The following CBFA2T2 variants were observed in gnomAD, a reference collection of about 807,000 sequenced individuals.
CBFA2T2 encodes the protein CBFA2/RUNX1 partner transcriptional co-repressor 2, also known as protein CBFA2T2.
CBFA2T2 carries 11 observed loss-of-function variants against 62.2 expected under a neutral mutation model. The ratio of observed to expected loss-of-function variants is 0.18; its 90% confidence interval spans 0.11 to 0.29. The LOEUF (loss-of-function observed/expected upper bound fraction) is 0.29, where lower values mean the gene tolerates loss of function less well. Among genes scored for constraint, CBFA2T2 ranks in the 10% least tolerant of loss-of-function variants. The probability of loss-of-function intolerance (pLI) is 1.00; values close to 1 mark genes in which losing one functional copy is unlikely to be tolerated. For missense variants in CBFA2T2, 592 were observed against 774.1 expected (o/e 0.76, Z 2.79); for synonymous variants, 295 against 287.5 (o/e 1.03, Z -0.27).
chr20:33,501,065 C>G (rs548404436), intron 1 of CBFA2T2, among the ~76,000 whole-genome samples: 6 of 152,310 alleles, frequency 3.9e-5, no homozygotes, highest in Non-Finnish European at 7.3e-5. Context: ...TTTTACCCTT[C>G]TATTTTGTGT....
At position 33,644,742 on chromosome 20, in the gene CBFA2T2, C is replaced by A; in HGVS notation, c.*96C>A. 7.6e-7 allele frequency: 1 copy of A among 1,309,900 alleles called. No individual in the cohort carries two copies. The highest frequency in any genetic ancestry group is 1.4e-5 in the South Asian group (1 of 70,498). The allele number at this position is 1,309,900 out of a possible 1,614,324, so 81.1% of individuals were successfully genotyped here. Reference sequence around the variant, plus strand: ...GAACCCGTGCATGTAGCTGCCGGGTCATCAGCAAGAAATGAATTGGAGGCA... The same window carrying A: ...GAACCCGTGCATGTAGCTGCCGGGTAATCAGCAAGAAATGAATTGGAGGCA... On this transcript the variant is annotated 3_prime_UTR_variant, in exon 11 of 11. Transcript: ENST00000342704.
chr20:33,624,236 T>TAAAAAA (rs373462820), intron 5 of CBFA2T2, among the ~76,000 whole-genome samples: 603 of 64,148 alleles, frequency 9.4e-3, no homozygotes, highest in East Asian at 0.018. Context: ...TTTTTAAAAG[T>TAAAAAA]AAAAAAAAAA....
At chr20:33,548,573 G>C (rs143082632) in intron 1 of CBFA2T2, among the ~76,000 whole-genome samples, 211 of 152,170 alleles carry the variant, frequency 1.4e-3, no homozygotes, top group African/African-American at 4.8e-3. Context: ...GTAGTCTTTG[G>C]ACTTAGTTTC....
intron 1 of CBFA2T2, among the ~76,000 whole-genome samples, chr20:33,501,239 A>G (rs1310990148): frequency 6.6e-6 from 1 of 152,214 alleles, no homozygotes; most frequent in Non-Finnish European, 1.5e-5. Context: ...TGAAATGTTA[A>G]TATCAGGCAT....
Position 33,490,225 on chromosome 20 carries a change from G to T in CBFA2T2, c.-43G>T. The T allele has an allele frequency of 8.2e-7, 1 of 1,224,062 alleles. No homozygotes were observed. The allele number at this position is 1,224,062 out of a possible 1,614,324, so 75.8% of individuals were successfully genotyped here. A position where few individuals can be genotyped will look rare whatever the true frequency, so the allele number is the denominator to read the frequency against. ...CGGGCGGCGCCTGCGAGGGACCCGT[G>T]TCGCGGGTAGAGGCGGGCGGCGCGC... On this transcript the variant is annotated 5_prime_UTR_variant, in exon 1 of 11. Transcript: ENST00000342704.
chr20:33,531,223 G>A (rs2012051671), intron 1 of CBFA2T2, among the ~76,000 whole-genome samples: 1 of 152,164 alleles, frequency 6.6e-6, no homozygotes, highest in South Asian at 2.1e-4. Flanking sequence ...TTTGTTGAAG[G>A]GGAAGAGTAT....
At chr20:33,631,389 A>G (rs2016444330) in intron 8 of CBFA2T2, among the ~76,000 whole-genome samples, 1 of 152,200 alleles carries the variant, frequency 6.6e-6, no homozygotes, top group South Asian at 2.1e-4. Context: ...ACATTTGCAG[A>G]TCCCTGTGCG....
chr20:33,568,635 T>C (rs992432378), intron 1 of CBFA2T2, among the ~76,000 whole-genome samples: 1 of 152,136 alleles, frequency 6.6e-6, no homozygotes, highest in Non-Finnish European at 1.5e-5. Flanking sequence ...TCATCCGGCC[T>C]CGTCTGTTAC....
At chr20:33,583,440 G>C (rs180988781) in intron 1 of CBFA2T2, among the ~76,000 whole-genome samples, 1 of 152,222 alleles carries the variant, frequency 6.6e-6, no homozygotes, top group African/African-American at 2.4e-5. Context: ...TTGACTAATC[G>C]TTAACCTTAT....
At chr20:33,642,110 TTTTTTTTGTGTGTG>T (rs199572896) in intron 10 of CBFA2T2, among the ~76,000 whole-genome samples, 16,664 of 76,998 alleles carry the variant, frequency 0.22, 1,279 homozygotes, top group East Asian at 0.42. Flanking sequence ...TTTGTCTTTT[TTTTTTTTGTGTGTG>T]TGTGTGTGTG....
At chr20:33,612,583 C>G (rs1246670698) in intron 3 of CBFA2T2, among the ~76,000 whole-genome samples, 5 of 152,096 alleles carry the variant, frequency 3.3e-5, no homozygotes, top group Admixed American at 3.3e-4. Context: ...ATTAAAGAGA[C>G]TTGCAAAATG....
rs113216038 is a variant in CBFA2T2, at chr20:33,492,906, C to T, written c.34+2605C>T. The stretch of plus-strand genomic sequence containing the variant: ...CTGAGGAGCTGGGATTACAGGTGCT[C>T]ACCACCATGCCTGGCTAATTTTTTT... On this transcript the variant is annotated intron_variant, in intron 1 of 10. Transcript: ENST00000342704. 2.2e-3 allele frequency among the ~76,000 whole-genome samples: 340 copies of T among 151,974 alleles called. 3 individuals carry two copies. Among genetic ancestry groups the T allele is most frequent in the African/African-American group, 7.9e-3 (327 of 41,470 alleles).
At chr20:33,518,098 G>GCCCT (rs2011636092) in intron 1 of CBFA2T2, among the ~76,000 whole-genome samples, 1 of 151,988 alleles carries the variant, frequency 6.6e-6, no homozygotes, top group Non-Finnish European at 1.5e-5. Flanking sequence ...ACAGGCACGT[G>GCCCT]CAACCATGCC....
intron 1 of CBFA2T2, among the ~76,000 whole-genome samples, chr20:33,598,590 G>A (rs1220744646): frequency 2.0e-5 from 3 of 152,044 alleles, no homozygotes; most frequent in Admixed American, 2.0e-4. Flanking sequence ...AAACACACCT[G>A]CTGTACAATT....
At chr20:33,544,945 CAGAATAGAATAGAAT>C (rs765681667) in intron 1 of CBFA2T2, among the ~76,000 whole-genome samples, 15,683 of 130,860 alleles carry the variant, frequency 0.12, 1,060 homozygotes, top group Middle Eastern at 0.22. Context: ...TAGAATAGAA[CAGAATAGAATAGAAT>C]AGAATAGAAT....
chr20:33,522,745 A>G (rs1309374733), intron 1 of CBFA2T2, among the ~76,000 whole-genome samples: 1 of 152,168 alleles, frequency 6.6e-6, no homozygotes, highest in Non-Finnish European at 1.5e-5. Context: ...CCTGTCTCAC[A>G]AAACTAATAA....
intron 1 of CBFA2T2, among the ~76,000 whole-genome samples, chr20:33,502,984 C>G (rs1490033786): frequency 2.1e-5 from 3 of 144,846 alleles, no homozygotes; most frequent in Non-Finnish European, 3.0e-5. Flanking sequence ...CCAGCTACTC[C>G]GGAGGCTGAG....
chr20:33,538,240 T>G (rs1225446147), intron 1 of CBFA2T2, among the ~76,000 whole-genome samples: 1 of 152,238 alleles, frequency 6.6e-6, no homozygotes, highest in Non-Finnish European at 1.5e-5. Flanking sequence ...TTTTTCAGAA[T>G]TTCAGTATTT....
At chr20:33,591,491 A>T (rs555708737) in intron 1 of CBFA2T2, among the ~76,000 whole-genome samples, 1 of 151,854 alleles carries the variant, frequency 6.6e-6, no homozygotes, top group Non-Finnish European at 1.5e-5. Flanking sequence ...AAAAAGAAAA[A>T]AATGATGAAT....
Sources: allele counts gnomAD v4.1 joint callset (sites outside exome capture counted in the v4.1 genomes callset), GRCh38; gene constraint gnomAD v4.1.1; transcripts MANE v1.5; gene names NCBI Gene and HGNC (gene_info 2026-07-23, HGNC 2026-07-21).